Variants in ARHGEF6 observed in about 807,000 individuals in gnomAD.
ARHGEF6 encodes Rac/Cdc42 guanine nucleotide exchange factor 6, also known as rho guanine nucleotide exchange factor 6.
A neutral mutation model predicts 70.3 loss-of-function variants in ARHGEF6; 9 were observed. That is an observed-to-expected ratio of 0.13 (90% CI 0.08 to 0.22). The LOEUF is 0.22. ARHGEF6 is among the 10% of genes least tolerant of loss of function. ARHGEF6 has a pLI of 1.00. For missense variants in ARHGEF6, 470 were observed against 563.0 expected (o/e 0.83, Z 1.67); for synonymous variants, 201 against 207.8 (o/e 0.97, Z 0.28).
At position 136,677,900 on chromosome X, in the gene ARHGEF6, T is replaced by C. The variant is rs369871910; in HGVS notation, c.1851+36A>G. ...CAAAGGTTACAGTACAGCATTATGA[T>C]GTCACTGTAAGCCAAAGATATTGTA... On this transcript the variant is annotated intron_variant, in intron 17 of 21. Transcript: ENST00000250617. 1.5e-5 allele frequency: 17 copies of C among 1,132,187 alleles called. No homozygotes were observed. The African/African-American group carries it at 2.1e-4, about 14-fold the overall frequency. 93.3% of individuals were successfully genotyped at this position (1,132,187 alleles called of 1,213,427 possible).
chrX:136,705,978 A>C (rs754565091), intron 9 of ARHGEF6, among the ~76,000 whole-genome samples: 1 of 112,468 alleles, frequency 8.9e-6, no homozygotes, highest in African/African-American at 3.2e-5. Flanking sequence ...AGTCTTGAAC[A>C]GCTTCCAGAA....
intron 9 of ARHGEF6, among the ~76,000 whole-genome samples, chrX:136,702,611 C>T (rs892009038): frequency 1.8e-5 from 2 of 111,846 alleles, no homozygotes; most frequent in African/African-American, 3.2e-5. Flanking sequence ...AGCAGACTTC[C>T]GATCAGGGAA....
intron 8 of ARHGEF6, 26 bp downstream of exon 8, chrX:136,708,649 T>A (rs778838772): frequency 1.6e-5 from 18 of 1,150,925 alleles, no homozygotes; most frequent in African/African-American, 1.4e-4. Context: ...TTGCTGGCTA[T>A]CCTATCAGAA....
intron 6 of ARHGEF6, among the ~76,000 whole-genome samples, chrX:136,716,848 T>C (rs1056512814): frequency 8.9e-5 from 10 of 112,001 alleles, no homozygotes; most frequent in African/African-American, 3.2e-4. Flanking sequence ...ATGGACTCAA[T>C]AGTGATCTGG....
intron 5 of ARHGEF6, among the ~76,000 whole-genome samples, chrX:136,734,719 C>T (rs1052359750): frequency 5.4e-5 from 6 of 111,493 alleles, no homozygotes; most frequent in African/African-American, 2.0e-4. Context: ...GACCAATATC[C>T]CTCATGAATA....
rs751363411 is a variant in ARHGEF6 at position 136,740,410 on chromosome X, A to G, written c.661+3175T>C. On this transcript the variant is annotated intron_variant, in intron 5 of 21. Coordinates refer to ENST00000250617, the MANE Select transcript of ARHGEF6 (RefSeq NM_004840.3). ...AGATGCCAATTAGGAAGCTGCTGCC[A>G]TAAGCTAAATGAGAGAGGTTGTTCC... 3.6e-5 allele frequency among the ~76,000 whole-genome samples: 4 copies of G among 111,456 alleles called. No individual in the cohort carries two copies. The South Asian group carries it at 1.5e-3, about 43-fold the overall frequency.
rs2077214860 is a variant in ARHGEF6 at position 136,757,155 on chromosome X, TCAGGAGTTTAAGGCCAGCCTGGCCAA to T, written c.250-9589_250-9564del. ...GCTGAGGTGGGCTAATCACTTGAGGTCAGGAGTTTAAGGCCAGCCTGGCCAACATGGCCGTCTCTACTAAAAATACA... is the reference window on the plus strand; with the variant it reads ...GCTGAGGTGGGCTAATCACTTGAGGTCATGGCCGTCTCTACTAAAAATACA... On this transcript the variant is annotated intron_variant, in intron 2 of 21. Coordinates refer to ENST00000250617, the MANE Select transcript of ARHGEF6 (RefSeq NM_004840.3). 8.9e-5 allele frequency among the ~76,000 whole-genome samples: 10 copies of T among 112,676 alleles called. No individual in the cohort carries two copies. The South Asian group carries it at 3.6e-3, about 41-fold the overall frequency.
chrX:136,747,450 A>C, intron 3 of ARHGEF6, 58 bp downstream of exon 3: 1 of 1,106,092 alleles, frequency 9.0e-7, no homozygotes, highest in South Asian at 1.8e-5. Flanking sequence ...TAGGGTAATC[A>C]CAAACACATG....
At chrX:136,674,225 C>T (rs2076255241) in intron 19 of ARHGEF6, among the ~76,000 whole-genome samples, 1 of 112,180 alleles carries the variant, frequency 8.9e-6, no homozygotes. Context: ...TGTCAAGGCA[C>T]CTAAGAAATC....
At chrX:136,678,822 T>A (rs1299461711) in intron 16 of ARHGEF6, among the ~76,000 whole-genome samples, 2 of 111,825 alleles carry the variant, frequency 1.8e-5, no homozygotes, top group Non-Finnish European at 3.8e-5. Context: ...TAAATGAGCA[T>A]CATTTCTGAA....
intron 11 of ARHGEF6, among the ~76,000 whole-genome samples, chrX:136,686,745 C>T (rs1291886702): frequency 1.2e-5 from 1 of 83,325 alleles, no homozygotes; most frequent in African/African-American, 4.5e-5. Flanking sequence ...TATCTCACTG[C>T]TTAAGAAACT....
At chrX:136,699,367 G>C (rs1412583067) in intron 9 of ARHGEF6, among the ~76,000 whole-genome samples, 2 of 110,123 alleles carry the variant, frequency 1.8e-5, no homozygotes, top group Non-Finnish European at 3.8e-5. Flanking sequence ...AAAATATAGT[G>C]AAATATTATA....
chrX:136,730,430 C>A, intron 6 of ARHGEF6, among the ~76,000 whole-genome samples: 1 of 111,517 alleles, frequency 9.0e-6, no homozygotes, highest in East Asian at 2.8e-4. Context: ...ACCAACCAAC[C>A]AAAATCTCTT....
At chrX:136,679,247 T>C (rs1239720508) in intron 16 of ARHGEF6, among the ~76,000 whole-genome samples, 1 of 112,306 alleles carries the variant, frequency 8.9e-6, no homozygotes, top group African/African-American at 3.2e-5. Context: ...TTAACAAATC[T>C]AAAGGATTAT....
intron 1 of ARHGEF6, among the ~76,000 whole-genome samples, 162 bp from the exon 2 acceptor site, chrX:136,779,659 A>C (rs916742478): frequency 8.9e-6 from 1 of 111,802 alleles, no homozygotes; most frequent in Non-Finnish European, 1.9e-5. Flanking sequence ...AGTGATGCAA[A>C]AATCTAAACG....
At chrX:136,701,108 A>T (rs5974617) in intron 9 of ARHGEF6, among the ~76,000 whole-genome samples, 6,281 of 111,777 alleles carry the variant, frequency 0.056, 458 homozygotes, top group African/African-American at 0.19. Context: ...AATGGAAGAG[A>T]ATACACAAAA....
chrX:136,686,722 A>G (rs1432226495), intron 11 of ARHGEF6, among the ~76,000 whole-genome samples: 1 of 90,463 alleles, frequency 1.1e-5, no homozygotes, highest in Admixed American at 1.3e-4. Context: ...ATATATATAT[A>G]TATATATATA....
At chrX:136,731,806 C>G (rs2076937798) in intron 6 of ARHGEF6, among the ~76,000 whole-genome samples, 1 of 112,369 alleles carries the variant, frequency 8.9e-6, no homozygotes, top group East Asian at 2.8e-4. Flanking sequence ...TGTCTAACTG[C>G]TGAATTTCAC....
Position 136,690,647 on chromosome X carries a change from T to C in ARHGEF6, c.1148A>G (p.Tyr383Cys). ...LSKPFMRLEK[Y>C]VTLLQELERH... ...TTCTAACTCTTGCAAGAGAGTAACATATTTCTCCAGTCGCATGAATGGTTT... is the reference window on the plus strand; with the variant it reads ...TTCTAACTCTTGCAAGAGAGTAACACATTTCTCCAGTCGCATGAATGGTTT... The change falls in exon 10 of 22, where the codon TAT becomes TGT. Residue 383 changes from tyrosine (Y) to cysteine (C), a missense_variant. By Grantham distance (194) the Tyr-to-Cys change is radical. Around this residue, in one of 3 missense-constraint regions of ARHGEF6, gnomAD observed 379 missense variants for 449.3 expected, o/e 0.84. Coordinates refer to ENST00000250617, the MANE Select transcript of ARHGEF6 (RefSeq NM_004840.3). 8.3e-7 allele frequency: 1 copy of C among 1,210,973 alleles called. No homozygotes were observed. Among genetic ancestry groups the C allele is most frequent in the Non-Finnish European group, 1.1e-6 (1 of 895,194 alleles).
Sources: gnomAD v4.1 joint callset for allele counts (sites outside exome capture counted in the v4.1 genomes callset) on GRCh38, gnomAD v4.1.1 for gene constraint, gnomAD v4.1.1 regional missense constraint, MANE v1.5 for transcripts, NCBI Gene and HGNC (gene_info 2026-07-23, HGNC 2026-07-21) for gene names.